TFB1M: variants seen among roughly 807,000 people sequenced by gnomAD.
The protein encoded by TFB1M is transcription factor B1, mitochondrial.
A neutral mutation model predicts 31.1 loss-of-function variants in TFB1M; 27 were observed. That is an observed-to-expected ratio of 0.87 (90% CI 0.64 to 1.20). The LOEUF (loss-of-function observed/expected upper bound fraction) is 1.20, where lower values mean the gene tolerates loss of function less well. Ranked by LOEUF, TFB1M falls within the 50% of genes most tolerant of loss-of-function variation. TFB1M has a pLI of 0.00. For missense variants in TFB1M, 394 were observed against 418.7 expected (o/e 0.94, Z 0.51); for synonymous variants, 166 against 151.8 (o/e 1.09, Z -0.69).
chr6:155,305,267 T>A, intron 2 of TFB1M, among the ~76,000 whole-genome samples: 1 of 37,504 alleles, frequency 2.7e-5, no homozygotes, highest in Non-Finnish European at 4.2e-5. Flanking sequence ...TTAAATTATA[T>A]ATTTATATAT....
intron 4 of TFB1M, among the ~76,000 whole-genome samples, chr6:155,289,429 T>C (rs1776806069): frequency 6.6e-6 from 1 of 152,188 alleles, no homozygotes; most frequent in African/African-American, 2.4e-5. Context: ...GTTCATCATT[T>C]ATATTAATAA....
intron 4 of TFB1M, among the ~76,000 whole-genome samples, chr6:155,285,581 A>C (rs554378966): frequency 6.6e-6 from 1 of 152,246 alleles, no homozygotes; most frequent in African/African-American, 2.4e-5. Context: ...AGAAGGTCCT[A>C]CATAAAACAA....
chr6:155,284,037 C>T (rs939964501), intron 5 of TFB1M, among the ~76,000 whole-genome samples: 3 of 152,076 alleles, frequency 2.0e-5, no homozygotes, highest in African/African-American at 7.2e-5. Flanking sequence ...GAGGTGGCAC[C>T]GATAGCAAGC....
At chr6:155,275,833 C>T in intron 5 of TFB1M, 1 of 1,614,090 alleles carries the variant, frequency 6.2e-7, no homozygotes, top group Non-Finnish European at 8.5e-7. Context: ...ATGTGGACTC[C>T]AACATCATAA....
At chr6:155,284,268 C>G (rs574688697) in intron 5 of TFB1M, among the ~76,000 whole-genome samples, 5 of 152,306 alleles carry the variant, frequency 3.3e-5, no homozygotes, top group African/African-American at 1.2e-4. Context: ...GAATCTATAT[C>G]TAAATCTATA....
At chr6:155,299,964 C>A (rs898474562) in intron 2 of TFB1M, among the ~76,000 whole-genome samples, 1 of 152,182 alleles carries the variant, frequency 6.6e-6, no homozygotes, top group Non-Finnish European at 1.5e-5. Context: ...AGGGCAGGAC[C>A]CATTTCCTAT....
chr6:155,254,695 C>A, downstream of TFB1M: 1 of 1,285,088 alleles, frequency 7.8e-7, no homozygotes, highest in Admixed American at 2.3e-5. Flanking sequence ...ACCTTTATCT[C>A]CTTTTAAGAA....
intron 5 of TFB1M, among the ~76,000 whole-genome samples, chr6:155,269,181 T>C (rs1487623201): frequency 6.6e-6 from 1 of 151,790 alleles, no homozygotes; most frequent in Non-Finnish European, 1.5e-5. Flanking sequence ...CTTTTCTAAT[T>C]AGAGGTGGGG....
rs531741462 is a variant in TFB1M, at chr6:155,270,393, T to A, written c.667-9993A>T. On this transcript the variant is annotated intron_variant, in intron 5 of 6. Transcript: ENST00000367166. Reference sequence around the variant, plus strand: ...GATTAATATCCCTTTAATGTCCACATCAGAAGTGGATAGTAATGTTGATAA... The same window carrying A: ...GATTAATATCCCTTTAATGTCCACAACAGAAGTGGATAGTAATGTTGATAA... Among the ~76,000 whole-genome samples, 12 of 152,284 alleles carry A rather than the reference T, an allele frequency of 7.9e-5. No homozygotes were observed. The East Asian group carries it at 2.3e-3, about 29-fold the overall frequency.
chr6:155,255,636 A>ACC (rs1330724220), downstream of TFB1M: 1 of 151,296 alleles, frequency 6.6e-6, no homozygotes, highest in Non-Finnish European at 1.5e-5. Context: ...ACACACACAC[A>ACC]CCTATAACAT....
At chr6:155,278,328 T>C (rs1291197812) in intron 5 of TFB1M, among the ~76,000 whole-genome samples, 3 of 152,246 alleles carry the variant, frequency 2.0e-5, no homozygotes, top group Non-Finnish European at 4.4e-5. Flanking sequence ...ATGAATTTAA[T>C]AAATGCTCTC....
the TFB1M span, among the ~76,000 whole-genome samples, chr6:155,232,210 A>G: frequency 6.6e-6 from 1 of 152,154 alleles, no homozygotes; most frequent in Non-Finnish European, 1.5e-5. Flanking sequence ...TAAGTTAGAC[A>G]GTGACTTTTA....
At chr6:155,261,343 G>A (rs1420956823) in intron 5 of TFB1M, among the ~76,000 whole-genome samples, 3 of 152,306 alleles carry the variant, frequency 2.0e-5, no homozygotes, top group South Asian at 2.1e-4. Context: ...AAGAAAGTAC[G>A]GCAATTTAGG....
intron 4 of TFB1M, among the ~76,000 whole-genome samples, chr6:155,291,374 T>C (rs1381016573): frequency 2.0e-5 from 3 of 151,972 alleles, no homozygotes; most frequent in East Asian, 1.9e-4. Context: ...TATCCAAAGG[T>C]TGAGAAAAAC....
At chr6:155,252,948 C>T, downstream of TFB1M, 2 of 1,613,884 alleles carry the variant, frequency 1.2e-6, no homozygotes, top group South Asian at 1.1e-5. Context: ...CATGTTACAG[C>T]CCTCGAATTC....
At chr6:155,233,255 T>G in the TFB1M span, among the ~76,000 whole-genome samples, 1 of 152,206 alleles carries the variant, frequency 6.6e-6, no homozygotes, top group South Asian at 2.1e-4. Flanking sequence ...GTGATGTCTC[T>G]GAATAAGACA....
intron 2 of TFB1M, chr6:155,310,819 T>C (rs564209844): frequency 1.4e-5 from 3 of 213,908 alleles, no homozygotes; most frequent in Non-Finnish European, 2.8e-5. Flanking sequence ...TTCTCAAAAG[T>C]CATACCAATG....
the TFB1M span, chr6:155,240,755 G>A: frequency 1.3e-6 from 2 of 1,568,044 alleles, no homozygotes; most frequent in Non-Finnish European, 1.7e-6. Flanking sequence ...CTTTGATGAT[G>A]GCAAGTGGTA....
At chr6:155,250,030 C>T in the TFB1M span, 3 of 1,299,386 alleles carry the variant, frequency 2.3e-6, no homozygotes, top group African/African-American at 1.5e-5. Context: ...TGTAGGTGAC[C>T]TTCTAGATAG....
Sources: allele counts gnomAD v4.1 joint callset (sites outside exome capture counted in the v4.1 genomes callset), GRCh38; gene constraint gnomAD v4.1.1; transcripts MANE v1.5; gene names NCBI Gene and HGNC (gene_info 2026-07-23, HGNC 2026-07-21).